DACH1: variants seen among roughly 807,000 people sequenced by gnomAD.
DACH1 encodes the protein dachshund homolog 1.
A neutral mutation model predicts 54.2 loss-of-function variants in DACH1; 12 were observed. The observed-to-expected ratio is 0.22, with a 90% confidence interval of 0.14 to 0.36. The LOEUF (loss-of-function observed/expected upper bound fraction) is 0.36, where lower values mean the gene tolerates loss of function less well. Among genes scored for constraint, DACH1 ranks in the 10% least tolerant of loss-of-function variants. The pLI is 1.00. For missense variants in DACH1, 805 were observed against 929.8 expected, an observed-to-expected ratio of 0.87 and a Z score of 1.75; for synonymous variants, 386 against 366.2, an observed-to-expected ratio of 1.05 and a Z score of -0.62.
chr13:71,788,512 A>C (rs773410754), intron 1 of DACH1, among the ~76,000 whole-genome samples: 24 of 152,218 alleles, frequency 1.6e-4, no homozygotes, highest in Non-Finnish European at 3.1e-4. Context: ...CCAAATTTAG[A>C]ATCAAATGTG....
intron 1 of DACH1, among the ~76,000 whole-genome samples, chr13:71,836,688 C>T (rs1001909377): frequency 3.3e-5 from 5 of 152,036 alleles, no homozygotes; most frequent in Admixed American, 1.3e-4. Context: ...CTCTTCATAT[C>T]GCCTTCAAAT....
chr13:71,549,712 A>G (rs541678642), intron 6 of DACH1, among the ~76,000 whole-genome samples: 1 of 152,276 alleles, frequency 6.6e-6, no homozygotes, highest in East Asian at 1.9e-4. Flanking sequence ...TGTAACCTTT[A>G]TGTAAAACTG....
intron 1 of DACH1, among the ~76,000 whole-genome samples, chr13:71,698,167 C>T (rs972263614): frequency 6.6e-6 from 1 of 151,994 alleles, no homozygotes; most frequent in East Asian, 1.9e-4. Context: ...GCCTGGGTGA[C>T]AGAGCGAGAC....
At chr13:71,659,177 G>C (rs964634446) in intron 2 of DACH1, among the ~76,000 whole-genome samples, 1 of 152,032 alleles carries the variant, frequency 6.6e-6, no homozygotes, top group African/African-American at 2.4e-5. Context: ...GAGGAAACAA[G>C]GTAGGAAGGA....
At chr13:71,648,186 T>C (rs1377300242) in intron 2 of DACH1, among the ~76,000 whole-genome samples, 1 of 152,120 alleles carries the variant, frequency 6.6e-6, no homozygotes, top group Admixed American at 6.5e-5. Flanking sequence ...TATATGACAA[T>C]AAAATGTGGA....
chr13:71,748,593 C>G (rs1409793709), intron 1 of DACH1, among the ~76,000 whole-genome samples: 1 of 152,172 alleles, frequency 6.6e-6, no homozygotes, highest in Non-Finnish European at 1.5e-5. Context: ...GTCAACAGGT[C>G]CCTCTTTGTC....
At chr13:71,595,732 G>C (rs1874048835) in intron 3 of DACH1, among the ~76,000 whole-genome samples, 2 of 152,084 alleles carry the variant, frequency 1.3e-5, no homozygotes, top group Non-Finnish European at 2.9e-5. Flanking sequence ...AAACTCTTCT[G>C]AGTTGCCGAC....
At chr13:71,503,519 G>C (rs1378061058) in intron 6 of DACH1, among the ~76,000 whole-genome samples, 1 of 152,090 alleles carries the variant, frequency 6.6e-6, no homozygotes, top group African/African-American at 2.4e-5. Context: ...TTAGAAATGT[G>C]AATTTATCAT....
chr13:71,671,825 A>T lies in DACH1; in HGVS notation c.964+9970T>A, dbSNP rs1029828800. Among the ~76,000 whole-genome samples the T allele has an allele frequency of 2.0e-5, 3 of 152,126 alleles. No homozygotes were observed. In the East Asian group the frequency reaches 5.8e-4, roughly 29 times the overall value. ...AAATTTGAGGTTTTATTAGTAATAC[A>T]TTCCACTTTCTGACAGTTCTCCACA... On this transcript the variant is annotated intron_variant, in intron 2 of 10. Coordinates refer to ENST00000613252, the MANE Select transcript of DACH1 (RefSeq NM_080759.6).
intron 1 of DACH1, among the ~76,000 whole-genome samples, chr13:71,781,099 C>A (rs1237345348): frequency 6.6e-6 from 1 of 152,114 alleles, no homozygotes; most frequent in African/African-American, 2.4e-5. Flanking sequence ...AGTGACACTG[C>A]ACTCCAGCCT....
chr13:71,699,649 G>T (rs985696917), intron 1 of DACH1, among the ~76,000 whole-genome samples: 21 of 152,188 alleles, frequency 1.4e-4, no homozygotes, highest in Non-Finnish European at 1.8e-4. Context: ...AAAGAATGGA[G>T]AATCTTGCTG....
chr13:71,488,434 A>C (rs942941390), intron 7 of DACH1, among the ~76,000 whole-genome samples: 2 of 152,198 alleles, frequency 1.3e-5, no homozygotes, highest in African/African-American at 4.8e-5. Flanking sequence ...TAAAATATAC[A>C]TCCTGAGGAC....
chr13:71,686,512 TTTTA>T, intron 1 of DACH1, among the ~76,000 whole-genome samples: 1 of 152,290 alleles, frequency 6.6e-6, no homozygotes, highest in Admixed American at 6.5e-5. Context: ...CATTTATTGT[TTTTA>T]TTTAAGGTGA....
chr13:71,769,620 T>A (rs1344566140), intron 1 of DACH1, among the ~76,000 whole-genome samples: 1 of 151,690 alleles, frequency 6.6e-6, no homozygotes, highest in African/African-American at 2.4e-5. Context: ...AAGATACTTT[T>A]AAATCATCAA....
At chr13:71,741,867 A>G (rs1884401869) in intron 1 of DACH1, among the ~76,000 whole-genome samples, 1 of 152,162 alleles carries the variant, frequency 6.6e-6, no homozygotes. Context: ...CCTATGTATA[A>G]TCCCTGAAAA....
At chr13:71,694,812 A>T (rs1442135935) in intron 1 of DACH1, among the ~76,000 whole-genome samples, 1 of 152,220 alleles carries the variant, frequency 6.6e-6, no homozygotes, top group African/African-American at 2.4e-5. Flanking sequence ...GCGTTGTTTA[A>T]ACTGGCTAAA....
At chr13:71,596,715 G>A (rs1445508048) in intron 3 of DACH1, among the ~76,000 whole-genome samples, 1 of 152,154 alleles carries the variant, frequency 6.6e-6, no homozygotes, top group Non-Finnish European at 1.5e-5. Context: ...GGTGAAGAGT[G>A]TACTCATGCA....
intron 2 of DACH1, among the ~76,000 whole-genome samples, chr13:71,642,225 G>T (rs899304327): frequency 6.6e-6 from 1 of 152,108 alleles, no homozygotes; most frequent in Non-Finnish European, 1.5e-5. Context: ...CTAAATCACT[G>T]CAGTAGATTT....
chr13:71,663,845 A>AAAAT (rs1430391267), intron 2 of DACH1, among the ~76,000 whole-genome samples: 139 of 152,156 alleles, frequency 9.1e-4, no homozygotes, highest in African/African-American at 3.1e-3. Context: ...GTCTCAAATA[A>AAAAT]TATGGCCATG....
Sources: gnomAD v4.1 joint callset for allele counts (sites outside exome capture counted in the v4.1 genomes callset) on GRCh38, gnomAD v4.1.1 for gene constraint, MANE v1.5 for transcripts, NCBI Gene and HGNC (gene_info 2026-07-23, HGNC 2026-07-21) for gene names.